The following WRAP53 variants were observed in gnomAD, a reference collection of about 807,000 sequenced individuals.
WRAP53 encodes WD repeat containing antisense to TP53.
A neutral mutation model predicts 56.6 loss-of-function variants in WRAP53; 28 were observed. The observed-to-expected ratio is 0.50, with a 90% CI of 0.37 to 0.68. WRAP53 has a LOEUF of 0.68. Ranked by LOEUF, WRAP53 falls within the 30% of genes least tolerant of loss-of-function variation. WRAP53 has a pLI of 0.00. For missense variants in WRAP53, 671 were observed against 715.5 expected (o/e 0.94, Z 0.71); for synonymous variants, 283 against 283.4 (o/e 1.00, Z 0.01).
In WRAP53 at chr17:7,689,311, A is replaced by T; in HGVS notation, c.519A>T (p.Lys173Asn). The part of the protein sequence containing the change: ...EFSTQPENFL[K>N]GCKWAPDGSC... ...GCACCCAACCTGAGAACTTCTTGAA[A>T]GGCTGTAAGTGGTAAGGATAACAAC... The change falls in exon 3 of 11, where the codon AAA (lysine) becomes AAT (asparagine). Residue 173 changes from lysine to asparagine, a missense_variant. By Grantham distance (94) the Lys-to-Asn change is moderately conservative. Transcript: ENST00000396463. 1 of 1,614,006 alleles carries T rather than the reference A, an allele frequency of 6.2e-7. No individual in the cohort carries two copies. The highest frequency in any genetic ancestry group is 8.5e-7 in the Non-Finnish European group (1 of 1,179,996).
upstream of WRAP53, chr17:7,687,217 A>G (rs1597400104): frequency 2.5e-6 from 1 of 397,746 alleles, no homozygotes; most frequent in Non-Finnish European, 4.4e-6. Flanking sequence ...TGCAACTCCT[A>G]TGATGATCCC....
In WRAP53 at chr17:7,702,234, G is replaced by T. The variant is rs73248509; in HGVS notation, c.956-110G>T. ...TGCTTGTGACAGACAGCATGGGGGG[G>T]ATGTTGAGTCCAAGCATGTTGGTGC... On this transcript the variant is annotated intron_variant, in intron 7 of 10. Coordinates refer to ENST00000396463, the MANE Select transcript of WRAP53 (RefSeq NM_001143992.2). This position sits in a 1 kb window ranked among gnomAD's most constrained non-coding sequence, Gnocchi z 5.0. 6.2e-3 allele frequency: 7,043 copies of T among 1,143,712 alleles called. 308 individuals are homozygous for T. The African/African-American group carries it at 0.094, about 15-fold the overall frequency. The allele number at this position is 1,143,712 out of a possible 1,614,324, so 70.8% of individuals were successfully genotyped here.
rs954771367 is a variant in WRAP53 at position 7,702,929 on chromosome 17, G to C, written c.1269-64G>C. 6.2e-7 allele frequency: 1 copy of C among 1,612,788 alleles called. No homozygotes were observed. The highest frequency in any genetic ancestry group is 8.5e-7 in the Non-Finnish European group (1 of 1,179,968). On this transcript the variant is annotated intron_variant, in intron 9 of 10. Coordinates refer to ENST00000396463, the MANE Select transcript of WRAP53 (RefSeq NM_001143992.2). This position sits in a 1 kb window ranked among gnomAD's most constrained non-coding sequence, Gnocchi z 5.0. ...CCCAGCTGTAGGGTCCCAGTCCCTG[G>C]GTGTGAGGGGTTCCTGCCCCAGGGG...
upstream of WRAP53, chr17:7,686,172 A>T (rs537903606): frequency 6.8e-4 from 103 of 152,360 alleles, no homozygotes; most frequent in African/African-American, 2.4e-3. Context: ...CCGCTTCACG[A>T]CGTTCAGCCT....
upstream of WRAP53, chr17:7,687,680 C>G (rs34285921): frequency 5.5e-5 from 22 of 398,210 alleles, no homozygotes; most frequent in Non-Finnish European, 9.3e-5. Context: ...TTCTCGCCGA[C>G]CTGGTGCCGT....
intron 4 of WRAP53, among the ~76,000 whole-genome samples, chr17:7,696,370 T>C (rs886833313): frequency 1.1e-4 from 15 of 131,238 alleles, no homozygotes; most frequent in Non-Finnish European, 1.5e-5. Context: ...GCGATCTGGG[T>C]TCACTGCAAG....
intron 4 of WRAP53, among the ~76,000 whole-genome samples, chr17:7,698,978 T>C (rs370785513): frequency 6.6e-6 from 1 of 151,942 alleles, no homozygotes; most frequent in South Asian, 2.1e-4. Flanking sequence ...ATTGTTTGCT[T>C]GAGCCCAGGA....
intron 4 of WRAP53, among the ~76,000 whole-genome samples, chr17:7,696,372 C>A (rs1002589874): frequency 7.9e-6 from 1 of 127,336 alleles, no homozygotes; most frequent in African/African-American, 3.1e-5. Context: ...GATCTGGGTT[C>A]ACTGCAAGCT....
At chr17:7,699,264 A>G (rs1444665494) in intron 4 of WRAP53, among the ~76,000 whole-genome samples, 1 of 149,722 alleles carries the variant, frequency 6.7e-6, no homozygotes, top group Non-Finnish European at 1.5e-5. Flanking sequence ...TACTAAAAAT[A>G]CAAAAAATTA....
intron 4 of WRAP53, 116 bp from the exon 5 acceptor site, chr17:7,700,625 T>G (rs980162766): frequency 1.3e-6 from 1 of 776,848 alleles, no homozygotes; most frequent in Non-Finnish European, 2.4e-6. Context: ...CCTTGAACAT[T>G]GAGACAGAGT....
At position 7,701,532 on chromosome 17, in the gene WRAP53, C is replaced by G; in HGVS notation, c.805C>G (p.Arg269Gly). 1 of 1,614,238 alleles carries G rather than the reference C, an allele frequency of 6.2e-7. No homozygotes were observed. Reference sequence around the variant, plus strand: ...CACTGGAGAGCTCCGGGCTTCCTTTCGCGCCTACAACCACCTGGTAGGGAC... The same window carrying G: ...CACTGGAGAGCTCCGGGCTTCCTTTGGCGCCTACAACCACCTGGTAGGGAC... ...AFTGELRASF[R>G]AYNHLDELTA... Residue 269 changes from arginine (R) to glycine (G), a missense_variant, in exon 6 of 11, where the codon CGC becomes GGC. Physicochemically the swap from Arg to Gly is moderately radical, Grantham distance 125. This residue lies in a region of WRAP53 where 406 missense variants were observed against 418.5 expected (regional missense o/e 0.97). Coordinates refer to ENST00000396463, the MANE Select transcript of WRAP53 (RefSeq NM_001143992.2). This position sits in a 1 kb window ranked among gnomAD's most constrained non-coding sequence, Gnocchi z 4.2.
intron 4 of WRAP53, among the ~76,000 whole-genome samples, chr17:7,696,330 G>A (rs1700013095): frequency 9.4e-6 from 1 of 106,118 alleles, no homozygotes; most frequent in Non-Finnish European, 1.7e-5. Context: ...ATGGAGTCTT[G>A]CTCTGTCGCC....
chr17:7,699,450 ATATATATT>A (rs1425885359), intron 4 of WRAP53, among the ~76,000 whole-genome samples: 4 of 53,222 alleles, frequency 7.5e-5, no homozygotes, highest in African/African-American at 3.2e-4. Flanking sequence ...TTATATATAT[ATATATATT>A]TATATATATA....
chr17:7,702,165 T>C lies in WRAP53; in HGVS notation c.956-179T>C. ...ATGAAGTGGGGCTTGGGCATTTAGG[T>C]CCTTTGGGAGGATAGATGTGGGGAG... is the stretch of plus-strand genomic sequence containing the variant. On this transcript the variant is annotated intron_variant, in intron 7 of 10. Transcript: ENST00000396463. The surrounding 1 kb of genome is among the most constrained non-coding windows in gnomAD (Gnocchi z 5.0). The C allele has an allele frequency of 1.4e-6, 1 of 736,572 alleles. No homozygotes were observed. Among genetic ancestry groups the C allele is most frequent in the Non-Finnish European group, 2.3e-6 (1 of 430,804 alleles). 45.6% of individuals were successfully genotyped at this position (736,572 alleles called of 1,614,324 possible). A position where few individuals can be genotyped will look rare whatever the true frequency, so the allele number is the denominator to read the frequency against.
At chr17:7,687,276 C>T (rs2074019213), upstream of WRAP53, 2 of 398,494 alleles carry the variant, frequency 5.0e-6, no homozygotes, top group Non-Finnish European at 8.8e-6. Flanking sequence ...TAAGTCCCCA[C>T]TGCCCCACCC....
At chr17:7,688,623 A>G (rs765268037) in intron 1 of WRAP53, 25 bp from the exon 2 acceptor site, 6 of 1,613,592 alleles carry the variant, frequency 3.7e-6, no homozygotes, top group Non-Finnish European at 4.2e-6. Context: ...GGCTGAGGCT[A>G]ATCTCCGCTG....
intron 4 of WRAP53, among the ~76,000 whole-genome samples, chr17:7,700,298 G>A (rs1430919150): frequency 3.9e-5 from 6 of 152,048 alleles, no homozygotes; most frequent in Non-Finnish European, 4.4e-5. Flanking sequence ...TTGGTTCTTT[G>A]TCTCTGGGTT....
At chr17:7,687,468 G>A (rs1026796876), upstream of WRAP53, 1 of 398,710 alleles carries the variant, frequency 2.5e-6, no homozygotes, top group Non-Finnish European at 4.4e-6. Context: ...CTGCTCCCTG[G>A]ACGGTGGCTC....
upstream of WRAP53, chr17:7,687,257 C>T (rs2074017913): frequency 7.5e-6 from 3 of 398,156 alleles, no homozygotes; most frequent in Non-Finnish European, 8.8e-6. Context: ...CACTCACCCC[C>T]AAACTCGCTA....
Sources: gnomAD v4.1 joint callset for allele counts (sites outside exome capture counted in the v4.1 genomes callset) on GRCh38, gnomAD v4.1.1 for gene constraint, gnomAD v4.1.1 regional missense constraint, Gnocchi (gnomAD v3.1) non-coding constraint, MANE v1.5 for transcripts, NCBI Gene and HGNC (gene_info 2026-07-23, HGNC 2026-07-21) for gene names.